Variants in POMT2 observed in about 807,000 individuals in gnomAD.
POMT2 encodes protein O-mannosyltransferase 2.
In POMT2, 75 loss-of-function variants were observed where a neutral mutation model predicts 100.0. The ratio of observed to expected loss-of-function variants is 0.75; its 90% CI spans 0.62 to 0.91. POMT2 has a LOEUF of 0.91. POMT2 is among the 40% of genes least tolerant of loss of function. The probability of loss-of-function intolerance (pLI) is 0.00; values close to 1 mark genes in which losing one functional copy is unlikely to be tolerated. For missense variants in POMT2, 940 were observed against 955.1 expected (o/e 0.98, Z 0.21); for synonymous variants, 378 against 374.1 (o/e 1.01, Z -0.12).
chr14:77,304,645 G>A (rs748173400), intron 4 of POMT2, 47 bp downstream of exon 4: 37 of 1,551,962 alleles, frequency 2.4e-5, no homozygotes, highest in Non-Finnish European at 3.0e-5. Flanking sequence ...CATTCACGGA[G>A]TGGCAGCCCA....
chr14:77,279,578 C>T (rs1301030739), intron 18 of POMT2: 1 of 639,848 alleles, frequency 1.6e-6, no homozygotes, highest in East Asian at 3.2e-5. Context: ...CTCATGGTTC[C>T]TTGGTTTCCT....
chr14:77,281,606 G>C (rs1890237537), intron 15 of POMT2, among the ~76,000 whole-genome samples: 1 of 152,196 alleles, frequency 6.6e-6, no homozygotes, highest in Non-Finnish European at 1.5e-5. Flanking sequence ...GGGACAGACT[G>C]AAAAGGCATT....
chr14:77,298,724 G>A lies in POMT2; in HGVS notation c.971C>T (p.Ser324Leu), dbSNP rs1391641457. The A allele has an allele frequency of 6.2e-7, 1 of 1,613,786 alleles. No homozygotes were observed. Among genetic ancestry groups the A allele is most frequent in the South Asian group, 1.1e-5 (1 of 90,878 alleles). Residue 324 changes from serine (S) to leucine (L), a missense_variant, in exon 8 of 21, where the codon TCA (serine) becomes TTA (leucine). Coordinates refer to ENST00000261534, the MANE Select transcript of POMT2 (RefSeq NM_013382.7). Reference protein sequence around the residue: ...FFSSAFQARLSGNNLHNASIP... With the variant: ...FFSSAFQARLLGNNLHNASIP... ...GGAAGCATTGTGCAGGTTGTTCCCT[G>A]AAAGCCGGGCCTGGAAGGCAGAACT...
At chr14:77,286,688 C>G in intron 12 of POMT2, 56 bp downstream of exon 12, 1 of 1,609,620 alleles carries the variant, frequency 6.2e-7, no homozygotes, top group Non-Finnish European at 8.5e-7. Context: ...ACCACACAGC[C>G]CTGAGCCAAG....
At chr14:77,288,876 G>T in intron 10 of POMT2, 45 bp from the exon 11 acceptor site, 2 of 1,554,412 alleles carry the variant, frequency 1.3e-6, no homozygotes, top group Non-Finnish European at 1.8e-6. Context: ...CACTCACCAG[G>T]CTAGTATTAA....
At chr14:77,296,543 A>C in intron 8 of POMT2, 1 of 479,016 alleles carries the variant, frequency 2.1e-6, no homozygotes, top group South Asian at 2.5e-5. Flanking sequence ...TAACAGCAAA[A>C]GACGAAAAAC....
At chr14:77,296,725 G>A (rs755622679) in intron 8 of POMT2, among the ~76,000 whole-genome samples, 1 of 152,142 alleles carries the variant, frequency 6.6e-6, no homozygotes, top group Non-Finnish European at 1.5e-5. Context: ...CTGTTCAATG[G>A]TGTTTTGTTT....
intron 16 of POMT2, 113 bp from the exon 17 acceptor site, chr14:77,280,193 A>G: frequency 6.3e-7 from 1 of 1,588,442 alleles, no homozygotes; most frequent in Non-Finnish European, 8.6e-7. Context: ...CACGAACCTC[A>G]GGCTGGCAAA....
chr14:77,298,369 C>T (rs559917385), intron 8 of POMT2, among the ~76,000 whole-genome samples: 220 of 152,328 alleles, frequency 1.4e-3, no homozygotes, highest in Non-Finnish European at 2.6e-3. Context: ...ACTCAGAAAG[C>T]GGTGCGGGAA....
In POMT2 at chr14:77,277,217, G is replaced by GCTCT. The variant is rs1889999256; in HGVS notation, c.*158_*159insAGAG. 1 of 678,708 alleles carries GCTCT rather than the reference G, an allele frequency of 1.5e-6. No individual in the cohort carries two copies. The highest frequency in any genetic ancestry group is 2.1e-5 in the Admixed American group (1 of 47,646). The allele number at this position is 678,708 out of a possible 1,614,324, so 42.0% of individuals were successfully genotyped here. ...TCTCTCCCGGCTCTCTCCAATGCTG[G>GCTCT]GTTCCATTCCAGCTGCACTCCCAGA... is the stretch of plus-strand genomic sequence containing the variant. On this transcript the variant is annotated 3_prime_UTR_variant, in exon 21 of 21. Transcript: ENST00000261534.
chr14:77,305,900 G>A (rs1282689853), intron 3 of POMT2, among the ~76,000 whole-genome samples: 1 of 152,128 alleles, frequency 6.6e-6, no homozygotes, highest in East Asian at 1.9e-4. Context: ...GACAGGGTGT[G>A]GGGATGCCAA....
chr14:77,276,088 G>C lies in POMT2; in HGVS notation c.*1288C>G, dbSNP rs910642025. 7 of 152,534 alleles carry C rather than the reference G, an allele frequency of 4.6e-5. No homozygotes were observed. Among genetic ancestry groups the C allele is most frequent in the African/African-American group, 1.7e-4 (7 of 41,462 alleles). 9.4% of individuals were successfully genotyped at this position (152,534 alleles called of 1,614,324 possible). A position where few individuals can be genotyped will look rare whatever the true frequency, so the allele number is the denominator to read the frequency against. On this transcript the variant is annotated 3_prime_UTR_variant, in exon 21 of 21. Coordinates refer to ENST00000261534, the MANE Select transcript of POMT2 (RefSeq NM_013382.7). ...AGCATCAAAGTCCTCTGAGACAAAA[G>C]AAATATTTTGTCATGCACCAGGAAG...
chr14:77,313,181 G>A (rs887549856), intron 1 of POMT2, among the ~76,000 whole-genome samples: 1 of 152,138 alleles, frequency 6.6e-6, no homozygotes, highest in African/African-American at 2.4e-5. Context: ...TCAATCCCCA[G>A]GTCATGAGCA....
intron 15 of POMT2, among the ~76,000 whole-genome samples, chr14:77,281,829 A>AAAGT (rs1388680226): frequency 6.6e-6 from 1 of 152,180 alleles, no homozygotes; most frequent in Admixed American, 6.5e-5. Flanking sequence ...CAGATGGCCA[A>AAAGT]AAGTCCCGAG....
At chr14:77,308,685 G>C (rs1891325943) in intron 2 of POMT2, 1 of 422,338 alleles carries the variant, frequency 2.4e-6, no homozygotes, top group African/African-American at 2.1e-5. Context: ...GATCGTACCA[G>C]TGCTGGCAAT....
intron 15 of POMT2, among the ~76,000 whole-genome samples, chr14:77,281,952 T>TTCA (rs1890253150): frequency 6.6e-6 from 1 of 152,150 alleles, no homozygotes; most frequent in Non-Finnish European, 1.5e-5. Flanking sequence ...GGGCTGGGAA[T>TTCA]AGTTTACAGG....
Position 77,309,918 on chromosome 14 carries a change from T to C in POMT2, c.333+2031A>G, listed in dbSNP as rs1420889052. On this transcript the variant is annotated intron_variant, in intron 2 of 20. Coordinates refer to ENST00000261534, the MANE Select transcript of POMT2 (RefSeq NM_013382.7). ...GGCTCGAACTCCTGACCTCAGGTGATCTGCCCACCTCAGCCTCCCAAAGTG... is the reference window on the plus strand; with the variant it reads ...GGCTCGAACTCCTGACCTCAGGTGACCTGCCCACCTCAGCCTCCCAAAGTG... Among the ~76,000 whole-genome samples the C allele has an allele frequency of 2.0e-5, 3 of 152,184 alleles. No homozygotes were observed. The East Asian group carries it at 5.8e-4, about 29-fold the overall frequency.
intron 1 of POMT2, among the ~76,000 whole-genome samples, chr14:77,318,299 T>G (rs4903570): frequency 0.75 from 114,246 of 151,960 alleles, 43,201 homozygotes; most frequent in Middle Eastern, 0.82. Flanking sequence ...TATGAAAACA[T>G]AAAAACTTTA....
At chr14:77,280,147 G>C in intron 16 of POMT2, 67 bp from the exon 17 acceptor site, 1 of 1,611,620 alleles carries the variant, frequency 6.2e-7, no homozygotes, top group Non-Finnish European at 8.5e-7. Context: ...ATTAGGGGGA[G>C]GAAGATGGTC....
Sources: allele counts gnomAD v4.1 joint callset (sites outside exome capture counted in the v4.1 genomes callset), GRCh38; gene constraint gnomAD v4.1.1; transcripts MANE v1.5; gene names NCBI Gene and HGNC (gene_info 2026-07-23, HGNC 2026-07-21).